The following VPS13A variants were observed in gnomAD, a reference collection of about 807,000 sequenced individuals.
VPS13A encodes the protein intermembrane lipid transfer protein VPS13A.
A neutral mutation model predicts 390.9 loss-of-function variants in VPS13A; 264 were observed. That is an observed-to-expected ratio of 0.68 (90% CI 0.61 to 0.75). The LOEUF (loss-of-function observed/expected upper bound fraction) is 0.75. Ranked by LOEUF, VPS13A falls within the 30% of genes least tolerant of loss-of-function variation. The pLI is 0.00. For missense variants in VPS13A, 3,409 were observed against 3,733.9 expected (o/e 0.91, Z 2.27); for synonymous variants, 1,231 against 1,227.1 (o/e 1.00, Z -0.07).
intron 1 of VPS13A, among the ~76,000 whole-genome samples, chr9:77,194,140 C>T (rs1207987162): frequency 6.6e-6 from 1 of 152,046 alleles, no homozygotes; most frequent in Admixed American, 6.6e-5. Context: ...TCGGGGGAGG[C>T]TGTGGGTGAC....
At chr9:77,387,437 A>G (rs1833736517) in intron 68 of VPS13A, among the ~76,000 whole-genome samples, 1 of 152,180 alleles carries the variant, frequency 6.6e-6, no homozygotes, top group Non-Finnish European at 1.5e-5. Context: ...ATCATTGCTT[A>G]TGTATAGAAA....
At chr9:77,357,670 T>A (rs1211132762) in intron 55 of VPS13A, 22 bp from the exon 56 acceptor site, 35 of 1,611,630 alleles carry the variant, frequency 2.2e-5, no homozygotes, top group Non-Finnish European at 2.8e-5. Context: ...AATTTTTTCA[T>A]TTGGGGGGAC....
At chr9:77,227,333 T>C in intron 15 of VPS13A, 58 bp from the exon 16 acceptor site, 1 of 1,181,026 alleles carries the variant, frequency 8.5e-7, no homozygotes, top group Admixed American at 1.8e-5. Context: ...GGCAGATACA[T>C]TGTGTTAATT....
chr9:77,210,637 C>T lies in VPS13A; in HGVS notation c.517C>T (p.Leu173=). The part of the protein sequence containing the change: ...EDDITNRDKP[L]SFGISLQNLS... ...TTAGATCACAAATCGGGACAAACCG[C>T]TGTCATTTGGTATTTCCCTTCAAAA... Residue 173 remains leucine (L), a synonymous_variant, in exon 7 of 72, where the codon CTG becomes TTG. Coordinates refer to ENST00000360280, the MANE Select transcript of VPS13A (RefSeq NM_033305.3). 1 of 1,613,846 alleles carries T rather than the reference C, an allele frequency of 6.2e-7. No homozygotes were observed. Among genetic ancestry groups the T allele is most frequent in the Non-Finnish European group, 8.5e-7 (1 of 1,179,996 alleles).
chr9:77,356,137 C>G (rs144151818), intron 54 of VPS13A, among the ~76,000 whole-genome samples: 1 of 152,086 alleles, frequency 6.6e-6, no homozygotes, highest in Non-Finnish European at 1.5e-5. Flanking sequence ...TTTTCTATTC[C>G]TAATGTGTTC....
At chr9:77,415,406 A>G (rs143612264) in intron 71 of VPS13A, among the ~76,000 whole-genome samples, 54 of 152,336 alleles carry the variant, frequency 3.5e-4, no homozygotes, top group African/African-American at 1.3e-3. Flanking sequence ...TAAGCCCTGT[A>G]TCACCTCCGT....
At chr9:77,178,119 T>C in intron 1 of VPS13A, 1 of 339,122 alleles carries the variant, frequency 2.9e-6, no homozygotes, top group South Asian at 2.4e-5. Context: ...GGCCGTTCTC[T>C]ACCCCTGGCC....
At chr9:77,330,977 C>G (rs1383371990) in intron 45 of VPS13A, among the ~76,000 whole-genome samples, 1 of 152,120 alleles carries the variant, frequency 6.6e-6, no homozygotes, top group East Asian at 1.9e-4. Context: ...AAATGTTACA[C>G]TGTTCACCTT....
chr9:77,368,075 A>C lies in VPS13A; in HGVS notation c.8492A>C (p.Asn2831Thr), dbSNP rs761856882. 1 of 1,612,422 alleles carries C rather than the reference A, an allele frequency of 6.2e-7. No homozygotes were observed. The highest frequency in any genetic ancestry group is 8.5e-7 in the Non-Finnish European group (1 of 1,179,486). ...VVFKLAFFEL[N>T]YQFHTTSDLQ... ...TTCAGGCTTGCATTTTTTGAACTCA[A>C]CTATCAGTTCCATACAACATCCGAT... Residue 2831 changes from asparagine to threonine, a missense_variant, in exon 62 of 72, where the codon AAC (asparagine) becomes ACC (threonine). By Grantham distance (65) the Asn-to-Thr change is moderately conservative. Coordinates refer to ENST00000360280, the MANE Select transcript of VPS13A (RefSeq NM_033305.3).
At chr9:77,397,137 C>A (rs974326616) in intron 68 of VPS13A, among the ~76,000 whole-genome samples, 1 of 152,030 alleles carries the variant, frequency 6.6e-6, no homozygotes, top group Non-Finnish European at 1.5e-5. Flanking sequence ...TTACAGGCTC[C>A]TGCCACCACA....
chr9:77,377,085 G>T (rs937456573), intron 67 of VPS13A, among the ~76,000 whole-genome samples: 1 of 151,708 alleles, frequency 6.6e-6, no homozygotes, highest in African/African-American at 2.4e-5. Context: ...CTGTGAAAAT[G>T]CAACGTCTTT....
At chr9:77,362,445 C>CA (rs1563959875) in intron 59 of VPS13A, among the ~76,000 whole-genome samples, 1 of 152,208 alleles carries the variant, frequency 6.6e-6, no homozygotes, top group African/African-American at 2.4e-5. Context: ...AATCAGTTAA[C>CA]AACACACATG....
At position 77,259,120 on chromosome 9, in the gene VPS13A, C is replaced by T. The variant is rs1002269313; in HGVS notation, c.2289-966C>T. On this transcript the variant is annotated intron_variant, in intron 22 of 71. Coordinates refer to ENST00000360280, the MANE Select transcript of VPS13A (RefSeq NM_033305.3). ...GGTTTCTATTTTATAATATTGTGAGCAGTATAAAGTGGATATGATATGTCA... is the reference window on the plus strand; with the variant it reads ...GGTTTCTATTTTATAATATTGTGAGTAGTATAAAGTGGATATGATATGTCA... 2.6e-5 allele frequency among the ~76,000 whole-genome samples: 4 copies of T among 152,060 alleles called. No individual in the cohort carries two copies. In the East Asian group the frequency reaches 5.8e-4, roughly 22 times the overall value.
At chr9:77,301,810 T>A (rs1167275787) in intron 33 of VPS13A, among the ~76,000 whole-genome samples, 1 of 152,158 alleles carries the variant, frequency 6.6e-6, no homozygotes, top group Non-Finnish European at 1.5e-5. Flanking sequence ...CTATTTTAAC[T>A]CATAGAAATA....
At chr9:77,283,694 A>G (rs1827172941) in intron 31 of VPS13A, 44 bp downstream of exon 31, 3 of 1,440,458 alleles carry the variant, frequency 2.1e-6, no homozygotes, top group African/African-American at 1.4e-5. Flanking sequence ...ATTAAATAGG[A>G]TTGTCCTTTA....
At chr9:77,353,384 T>G (rs1233133057) in intron 53 of VPS13A, 25 bp from the exon 54 acceptor site, 19 of 1,558,006 alleles carry the variant, frequency 1.2e-5, no homozygotes, top group Admixed American at 5.7e-5. Flanking sequence ...TTGGTTTTTT[T>G]TTTTTTTTGG....
At chr9:77,314,839 G>A (rs1829296119) in intron 37 of VPS13A, among the ~76,000 whole-genome samples, 175 bp downstream of exon 37, 1 of 152,106 alleles carries the variant, frequency 6.6e-6, no homozygotes, top group Non-Finnish European at 1.5e-5. Context: ...GTTCTGTTAT[G>A]TACTATTCTT....
chr9:77,298,048 C>T (rs1264647099), intron 33 of VPS13A, among the ~76,000 whole-genome samples: 3 of 152,104 alleles, frequency 2.0e-5, no homozygotes, highest in African/African-American at 7.2e-5. Context: ...CTTTAGGTTA[C>T]AGGCTTGGAA....
intron 59 of VPS13A, 62 bp downstream of exon 59, chr9:77,360,703 T>G: frequency 7.8e-7 from 1 of 1,277,126 alleles, no homozygotes; most frequent in Non-Finnish European, 1.1e-6. Flanking sequence ...ATTATAAATT[T>G]TTAAAGGTAT....
Sources: allele counts gnomAD v4.1 joint callset (sites outside exome capture counted in the v4.1 genomes callset), GRCh38; gene constraint gnomAD v4.1.1; transcripts MANE v1.5; gene names NCBI Gene and HGNC (gene_info 2026-07-23, HGNC 2026-07-21).